CXCL13: variants seen among roughly 807,000 people sequenced by gnomAD.
The protein encoded by CXCL13 is C-X-C motif chemokine 13.
In CXCL13, 7 loss-of-function variants were observed where a neutral mutation model predicts 12.2. The ratio of observed to expected loss-of-function variants is 0.57; its 90% CI spans 0.33 to 1.07. The LOEUF (loss-of-function observed/expected upper bound fraction) is 1.07, where lower values mean the gene tolerates loss of function less well. Ranked by LOEUF, CXCL13 falls within the 50% of genes least tolerant of loss-of-function variation. The pLI is 0.04. For synonymous variants in CXCL13, 47 were observed against 42.4 expected (o/e 1.11, Z -0.42); for missense variants, 113 against 127.4 (o/e 0.89, Z 0.55).
intron 1 of CXCL13, among the ~76,000 whole-genome samples, chr4:77,533,029 C>T (rs1261004871): frequency 1.3e-5 from 2 of 151,630 alleles, no homozygotes; most frequent in East Asian, 1.9e-4. Flanking sequence ...GTCTTCTTCT[C>T]TCAAATCATC....
At position 77,575,003 on chromosome 4, in the gene CXCL13, A is replaced by C. The variant is rs189083945; in HGVS notation, c.-42-30821A>C. Among the ~76,000 whole-genome samples the C allele has an allele frequency of 4.6e-5, 7 of 152,094 alleles. No individual in the cohort carries two copies. In the East Asian group the frequency reaches 1.3e-3, roughly 29 times the overall value. On this transcript the variant is annotated intron_variant, in intron 1 of 4. Transcript: ENST00000286758. ...TTTGAATTAGAAAAGATAATGCTGA[A>C]AGTTCAAACAAGTTGTGAAAATATT...
chr4:77,522,014 G>T (rs1013804271), intron 1 of CXCL13, among the ~76,000 whole-genome samples: 4 of 152,134 alleles, frequency 2.6e-5, no homozygotes, highest in Non-Finnish European at 5.9e-5. Flanking sequence ...ATGTAGTTGT[G>T]CAGTTTTGAG....
chr4:77,542,543 T>C (rs1226950967), intron 1 of CXCL13, among the ~76,000 whole-genome samples: 1 of 152,148 alleles, frequency 6.6e-6, no homozygotes, highest in East Asian at 1.9e-4. Flanking sequence ...TCCAATCACC[T>C]TCCACCAGGC....
chr4:77,552,538 G>C (rs1725557665), intron 1 of CXCL13, among the ~76,000 whole-genome samples: 1 of 152,214 alleles, frequency 6.6e-6, no homozygotes, highest in African/African-American at 2.4e-5. Flanking sequence ...CTTATTTATG[G>C]GGTTCACAGT....
chr4:77,555,531 AG>A (rs2109809407), intron 1 of CXCL13, among the ~76,000 whole-genome samples: 1 of 152,248 alleles, frequency 6.6e-6, no homozygotes, highest in African/African-American at 2.4e-5. Context: ...TAAATAGAAT[AG>A]AGACCTAAAT....
At chr4:77,576,443 T>C (rs893224406) in intron 1 of CXCL13, among the ~76,000 whole-genome samples, 9 of 152,354 alleles carry the variant, frequency 5.9e-5, no homozygotes, top group Middle Eastern at 3.4e-3. Context: ...TCTTAACTTA[T>C]GGCAATATAA....
At chr4:77,604,360 G>A (rs1343992649), upstream of CXCL13, among the ~76,000 whole-genome samples, 8 of 152,070 alleles carry the variant, frequency 5.3e-5, no homozygotes, top group African/African-American at 7.2e-5. Flanking sequence ...TCTGTCTATC[G>A]CAGGAGTTGT....
intron 1 of CXCL13, among the ~76,000 whole-genome samples, chr4:77,512,218 A>T (rs1339509361): frequency 6.6e-6 from 1 of 152,236 alleles, no homozygotes; most frequent in Non-Finnish European, 1.5e-5. Context: ...CATTAGATTC[A>T]TCCTGACCAT....
In CXCL13 at chr4:77,575,274, C is replaced by T. The variant is rs145826395; in HGVS notation, c.-42-30550C>T. Among the ~76,000 whole-genome samples the T allele has an allele frequency of 2.2e-3, 328 of 151,954 alleles. 4 individuals carry two copies. The Middle Eastern group carries it at 0.031, about 14-fold the overall frequency. On this transcript the variant is annotated intron_variant, in intron 1 of 4. Coordinates refer to the CXCL13 transcript ENST00000286758. ...AATCCGGAATTCTATCTAATAACATCAAGTGTTTTAAACCTCCAACTTTTT... is the reference window on the plus strand; with the variant it reads ...AATCCGGAATTCTATCTAATAACATTAAGTGTTTTAAACCTCCAACTTTTT...
chr4:77,596,582 A>C (rs183061), intron 1 of CXCL13, among the ~76,000 whole-genome samples: 55,070 of 151,780 alleles, frequency 0.36, 12,466 homozygotes, highest in African/African-American at 0.64. Flanking sequence ...GTCAGGAGTT[A>C]GAGACCAGCC....
chr4:77,591,156 A>C (rs906037725), intron 1 of CXCL13, among the ~76,000 whole-genome samples: 4 of 152,220 alleles, frequency 2.6e-5, no homozygotes, highest in African/African-American at 9.6e-5. Flanking sequence ...CATATACTGT[A>C]CTATTATATT....
intron 1 of CXCL13, among the ~76,000 whole-genome samples, chr4:77,545,352 C>T (rs1305989416): frequency 2.0e-5 from 3 of 152,168 alleles, no homozygotes; most frequent in Non-Finnish European, 4.4e-5. Context: ...TGGCCATTTT[C>T]ATGATATTGA....
chr4:77,545,964 T>C (rs552978140), intron 1 of CXCL13, among the ~76,000 whole-genome samples: 1 of 152,338 alleles, frequency 6.6e-6, no homozygotes, highest in South Asian at 2.1e-4. Context: ...CGAAGGGCTG[T>C]TGAATTTTGT....
intron 1 of CXCL13, among the ~76,000 whole-genome samples, chr4:77,519,870 C>A (rs1724532072): frequency 6.6e-6 from 1 of 152,242 alleles, no homozygotes; most frequent in Middle Eastern, 3.4e-3. Flanking sequence ...AGTCTTTAAT[C>A]CATCTTGAAT....
At chr4:77,552,897 C>A (rs1453626643) in intron 1 of CXCL13, among the ~76,000 whole-genome samples, 1 of 152,174 alleles carries the variant, frequency 6.6e-6, no homozygotes, top group Non-Finnish European at 1.5e-5. Flanking sequence ...TTGATCCAGG[C>A]CAGGGGGTAC....
At chr4:77,563,135 A>C (rs1292239459) in intron 1 of CXCL13, among the ~76,000 whole-genome samples, 1 of 152,188 alleles carries the variant, frequency 6.6e-6, no homozygotes, top group African/African-American at 2.4e-5. Context: ...AGAAGGAAGA[A>C]GCTCCAAACA....
intron 1 of CXCL13, among the ~76,000 whole-genome samples, chr4:77,530,723 C>T (rs1457244481): frequency 2.0e-5 from 3 of 152,040 alleles, no homozygotes; most frequent in African/African-American, 7.2e-5. Flanking sequence ...TTCAAAAAAC[C>T]AGCTCCTGGA....
At chr4:77,567,194 CA>C (rs985981956) in intron 1 of CXCL13, among the ~76,000 whole-genome samples, 2 of 152,122 alleles carry the variant, frequency 1.3e-5, no homozygotes, top group Non-Finnish European at 2.9e-5. Context: ...CCCCTGCCCA[CA>C]AAAAAATTGC....
chr4:77,543,212 C>T (rs928858122), intron 1 of CXCL13, among the ~76,000 whole-genome samples: 1 of 151,848 alleles, frequency 6.6e-6, no homozygotes, highest in Non-Finnish European at 1.5e-5. Context: ...TGTAAGGTCA[C>T]TTTTGTCATT....
Sources: allele counts gnomAD v4.1 joint callset (sites outside exome capture counted in the v4.1 genomes callset), GRCh38; gene constraint gnomAD v4.1.1; transcripts MANE v1.5; gene names NCBI Gene and HGNC (gene_info 2026-07-23, HGNC 2026-07-21).